Variants in LRP1B observed in about 807,000 individuals in gnomAD.
LRP1B encodes LDL receptor related protein 1B.
Under a neutral mutation model 556.6 loss-of-function variants are expected in LRP1B, and 217 were observed. That is an observed-to-expected ratio of 0.39 (90% CI 0.35 to 0.44). The LOEUF is 0.44. Among genes scored for constraint, LRP1B ranks in the 20% least tolerant of loss-of-function variants. LRP1B has a pLI of 1.00. For missense variants in LRP1B, 5,053 were observed against 5,620.8 expected (o/e 0.90, Z 3.23); for synonymous variants, 2,047 against 1,865.8 (o/e 1.10, Z -2.50).
chr2:140,326,800 T>G (rs536679569), intron 79 of LRP1B, among the ~76,000 whole-genome samples: 1 of 152,236 alleles, frequency 6.6e-6, no homozygotes, highest in South Asian at 2.1e-4. Flanking sequence ...GTCTTCAGTT[T>G]CATCACAGGT....
At chr2:140,974,432 C>A (rs1301108620) in intron 18 of LRP1B, among the ~76,000 whole-genome samples, 2 of 152,146 alleles carry the variant, frequency 1.3e-5, no homozygotes, top group African/African-American at 4.8e-5. Context: ...AATCTACTAA[C>A]ACATTCTGCA....
chr2:142,126,241 AT>A (rs1707646842), intron 1 of LRP1B, among the ~76,000 whole-genome samples: 1 of 151,534 alleles, frequency 6.6e-6, no homozygotes, highest in South Asian at 2.1e-4. Context: ...GAGTCAAAAA[AT>A]AACTTAAAAT....
intron 2 of LRP1B, among the ~76,000 whole-genome samples, chr2:141,484,243 TG>T: frequency 6.8e-6 from 1 of 146,458 alleles, no homozygotes; most frequent in Non-Finnish European, 1.5e-5. Flanking sequence ...TGCTTGTTTT[TG>T]TCAGGTTTGT....
chr2:141,053,828 A>ATGTGCG (rs1699106068), intron 10 of LRP1B, among the ~76,000 whole-genome samples: 1 of 150,130 alleles, frequency 6.7e-6, no homozygotes, highest in Non-Finnish European at 1.5e-5. Flanking sequence ...GTGTGTATAT[A>ATGTGCG]TGTGTGTGTG....
intron 49 of LRP1B, among the ~76,000 whole-genome samples, chr2:140,520,695 A>C (rs1690125886): frequency 1.3e-5 from 2 of 151,054 alleles, no homozygotes; most frequent in Admixed American, 1.3e-4. Context: ...AATGTGAAAG[A>C]CCTGCAGTGA....
rs1431594082 is a variant in LRP1B at position 141,414,094 on chromosome 2, G to A, written c.343+66302C>T. ...CTACTAAAAATACAAAAAATTAGCC[G>A]GGTGTGGTGGCGGGTGCCTGTAGTC... On this transcript the variant is annotated intron_variant, in intron 3 of 90. Coordinates refer to ENST00000389484, the MANE Select transcript of LRP1B (RefSeq NM_018557.3). 4.0e-5 allele frequency among the ~76,000 whole-genome samples: 6 copies of A among 151,840 alleles called. No individual in the cohort carries two copies. In the South Asian group the frequency reaches 6.3e-4, roughly 16 times the overall value.
intron 75 of LRP1B, among the ~76,000 whole-genome samples, chr2:140,354,115 T>C (rs189917954): frequency 2.6e-5 from 4 of 152,210 alleles, no homozygotes; most frequent in Admixed American, 2.6e-4. Context: ...TCTCTTTTCC[T>C]CCTCTACTTT....
At chr2:141,644,067 T>C (rs1436278090) in intron 2 of LRP1B, among the ~76,000 whole-genome samples, 1 of 149,420 alleles carries the variant, frequency 6.7e-6, no homozygotes, top group Non-Finnish European at 1.5e-5. Context: ...AGTAAAATCT[T>C]CCTCAAAATT....
At chr2:141,906,016 GTGTGTGTGTC>G (rs1272693099) in intron 1 of LRP1B, among the ~76,000 whole-genome samples, 5 of 99,976 alleles carry the variant, frequency 5.0e-5, no homozygotes, top group Admixed American at 1.2e-4. Context: ...GTGTGTGTGT[GTGTGTGTGTC>G]TGTGTGTATA....
chr2:140,615,052 T>C (rs906813926), intron 41 of LRP1B, among the ~76,000 whole-genome samples: 3 of 152,128 alleles, frequency 2.0e-5, no homozygotes, highest in Non-Finnish European at 4.4e-5. Context: ...TCAGGAGTTA[T>C]GTAACAGAGG....
chr2:140,424,245 C>A (rs1573921646), intron 66 of LRP1B, among the ~76,000 whole-genome samples: 1 of 152,112 alleles, frequency 6.6e-6, no homozygotes, highest in East Asian at 1.9e-4. Context: ...TTTCCAGACC[C>A]AAAAAAGTTA....
At chr2:141,721,051 C>G (rs1242051173) in intron 2 of LRP1B, among the ~76,000 whole-genome samples, 1 of 152,034 alleles carries the variant, frequency 6.6e-6, no homozygotes, top group Non-Finnish European at 1.5e-5. Flanking sequence ...ATAGAATTTC[C>G]CTCTGATAAA....
intron 88 of LRP1B, 112 bp from the exon 89 acceptor site, chr2:140,238,408 G>A (rs1185423179): frequency 1.7e-6 from 1 of 571,554 alleles, no homozygotes; most frequent in Admixed American, 3.7e-5. Flanking sequence ...TTGAATAAAT[G>A]ACATTTGTCA....
chr2:140,564,990 A>G (rs1177772741), intron 43 of LRP1B, among the ~76,000 whole-genome samples: 1 of 152,008 alleles, frequency 6.6e-6, no homozygotes, highest in Admixed American at 6.6e-5. Context: ...TTTAGCTGCA[A>G]TTTAAGAAGA....
At chr2:140,742,251 G>T (rs1688166798) in intron 35 of LRP1B, among the ~76,000 whole-genome samples, 1 of 152,164 alleles carries the variant, frequency 6.6e-6, no homozygotes, top group Non-Finnish European at 1.5e-5. Flanking sequence ...AGAAAACTGA[G>T]TGTCGAAAGG....
At chr2:141,697,396 C>T (rs746749494) in intron 2 of LRP1B, among the ~76,000 whole-genome samples, 1 of 151,918 alleles carries the variant, frequency 6.6e-6, no homozygotes, top group Admixed American at 6.6e-5. Context: ...GGCTCAATCT[C>T]ATTTACTCTC....
intron 2 of LRP1B, among the ~76,000 whole-genome samples, chr2:141,713,643 TTAGAA>T (rs1162254441): frequency 6.6e-6 from 1 of 152,162 alleles, no homozygotes; most frequent in Non-Finnish European, 1.5e-5. Context: ...TGCCAAATTG[TTAGAA>T]TAAAGCCACC....
intron 66 of LRP1B, among the ~76,000 whole-genome samples, chr2:140,429,505 G>C (rs1036237445): frequency 5.3e-5 from 8 of 152,076 alleles, no homozygotes; most frequent in African/African-American, 1.9e-4. Context: ...CTGCCACAAG[G>C]CTTCACAGAT....
chr2:140,838,493 A>G (rs1432916606), intron 31 of LRP1B, among the ~76,000 whole-genome samples: 2 of 152,192 alleles, frequency 1.3e-5, no homozygotes, highest in Non-Finnish European at 2.9e-5. Context: ...GGTTTATTCT[A>G]TAGACCACAT....
Sources: allele counts gnomAD v4.1 joint callset (sites outside exome capture counted in the v4.1 genomes callset), GRCh38; gene constraint gnomAD v4.1.1; transcripts MANE v1.5; gene names NCBI Gene and HGNC (gene_info 2026-07-23, HGNC 2026-07-21).